Variants in PKHD1 observed in about 807,000 individuals in gnomAD.
The protein encoded by PKHD1 is PKHD1 ciliary IPT domain containing fibrocystin/polyductin.
A neutral mutation model predicts 412.0 loss-of-function variants in PKHD1; 291 were observed. The observed-to-expected ratio is 0.71, with a 90% confidence interval of 0.64 to 0.78. PKHD1 has a LOEUF of 0.78. Among genes scored for constraint, PKHD1 ranks in the 30% least tolerant of loss-of-function variants. The probability of loss-of-function intolerance (pLI) is 0.00; values close to 1 mark genes in which losing one functional copy is unlikely to be tolerated. For missense variants in PKHD1, 4,825 were observed against 4,950.7 expected (o/e 0.97, Z 0.76); for synonymous variants, 1,777 against 1,821.5 (o/e 0.98, Z 0.62).
intron 60 of PKHD1, among the ~76,000 whole-genome samples, chr6:51,671,074 C>T (rs1247846807): frequency 1.0e-3 from 158 of 151,616 alleles, no homozygotes; most frequent in African/African-American, 3.8e-3. Context: ...CTCTGTAGTT[C>T]CTGAATCTGA....
intron 35 of PKHD1, among the ~76,000 whole-genome samples, chr6:51,981,608 T>C (rs1208160483): frequency 2.8e-5 from 3 of 108,826 alleles, no homozygotes; most frequent in Non-Finnish European, 7.2e-5. Context: ...CGGAGTCTCG[T>C]TCACTCAGTG....
At chr6:51,676,860 T>C (rs896107085) in intron 60 of PKHD1, among the ~76,000 whole-genome samples, 1 of 152,186 alleles carries the variant, frequency 6.6e-6, no homozygotes, top group African/African-American at 2.4e-5. Flanking sequence ...TGGGCAATTC[T>C]AAGCAAAAAA....
chr6:51,903,083 T>C (rs1347710329), intron 43 of PKHD1, among the ~76,000 whole-genome samples: 1 of 152,190 alleles, frequency 6.6e-6, no homozygotes, highest in African/African-American at 2.4e-5. Context: ...TTAGTTTGCA[T>C]TACCTAGATG....
At chr6:51,836,360 A>T in intron 51 of PKHD1, 44 bp downstream of exon 51, 3 of 1,276,020 alleles carry the variant, frequency 2.4e-6, no homozygotes, top group Non-Finnish European at 3.4e-6. Flanking sequence ...ACTGGAGGAC[A>T]TTCTGCCATA....
intron 36 of PKHD1, among the ~76,000 whole-genome samples, chr6:51,940,285 G>A (rs1788277940): frequency 6.6e-6 from 1 of 151,742 alleles, no homozygotes; most frequent in Non-Finnish European, 1.5e-5. Flanking sequence ...CCTTCAAGGT[G>A]TACTATAATA....
chr6:52,073,670 C>G (rs1215603562), intron 6 of PKHD1, 129 bp from the exon 7 acceptor site: 1 of 683,518 alleles, frequency 1.5e-6, no homozygotes, highest in Admixed American at 2.2e-5. Context: ...AAAATTAATA[C>G]TTTTAATAAA....
intron 66 of PKHD1, among the ~76,000 whole-genome samples, chr6:51,621,040 CT>C (rs1176134957): frequency 6.6e-6 from 1 of 152,052 alleles, no homozygotes; most frequent in Non-Finnish European, 1.5e-5. Context: ...CCTAAGGAAC[CT>C]GCAGCTCCTT....
chr6:51,918,339 C>G (rs1398603595), intron 37 of PKHD1, among the ~76,000 whole-genome samples: 1 of 152,102 alleles, frequency 6.6e-6, no homozygotes, highest in Non-Finnish European at 1.5e-5. Flanking sequence ...CTAATGCTCT[C>G]TTTCCCCTTG....
At position 51,843,228 on chromosome 6, in the gene PKHD1, G is replaced by A. The variant is rs552758212; in HGVS notation, c.8107+4547C>T. 2.6e-5 allele frequency among the ~76,000 whole-genome samples: 4 copies of A among 152,304 alleles called. No individual in the cohort carries two copies. The South Asian group carries it at 6.2e-4, about 24-fold the overall frequency. ...CAGTGTGCGCTTGTTCTTAGAGGCA[G>A]ATAAAGGCTGAGCGTGAAATTCTTA... is the stretch of plus-strand genomic sequence containing the variant. On this transcript the variant is annotated intron_variant, in intron 50 of 66. Transcript: ENST00000371117.
At chr6:51,858,931 A>G (rs1309687516) in intron 48 of PKHD1, among the ~76,000 whole-genome samples, 1 of 152,156 alleles carries the variant, frequency 6.6e-6, no homozygotes, top group Non-Finnish European at 1.5e-5. Context: ...GCTTGATACA[A>G]TCAACCCCAT....
chr6:51,675,071 A>G (rs1267243767), intron 60 of PKHD1, among the ~76,000 whole-genome samples: 1 of 152,134 alleles, frequency 6.6e-6, no homozygotes, highest in African/African-American at 2.4e-5. Context: ...GTCACCTTTA[A>G]TCAATCCTCC....
chr6:52,086,545 G>C (rs1040201641), intron 1 of PKHD1, among the ~76,000 whole-genome samples: 16 of 151,752 alleles, frequency 1.1e-4, no homozygotes, highest in African/African-American at 3.4e-4. Context: ...CTCACCTTAC[G>C]GGCATGTTCT....
rs763657923 is a variant in PKHD1 at position 51,746,906 on chromosome 6, A to G, written c.9830-17T>C. The G allele has an allele frequency of 1.4e-6, 2 of 1,419,026 alleles. No individual in the cohort carries two copies. Among genetic ancestry groups the G allele is most frequent in the East Asian group, 2.4e-5 (1 of 41,100 alleles). 87.9% of individuals were successfully genotyped at this position (1,419,026 alleles called of 1,614,324 possible). A position where few individuals can be genotyped will look rare whatever the true frequency, so the allele number is the denominator to read the frequency against. On this transcript the variant is annotated splice_polypyrimidine_tract_variant and intron_variant, in intron 58 of 66. Coordinates refer to ENST00000371117, the MANE Select transcript of PKHD1 (RefSeq NM_138694.4). ...AGGTAACATCTGAAATTTTAAAAAT[A>G]TGTATCATAATATTATATCATATAA... is the stretch of plus-strand genomic sequence containing the variant.
chr6:51,818,931 A>T (rs1364124965), intron 52 of PKHD1, among the ~76,000 whole-genome samples: 2 of 152,188 alleles, frequency 1.3e-5, no homozygotes, highest in Non-Finnish European at 2.9e-5. Flanking sequence ...TATGTAAGAG[A>T]GATGTAAACT....
intron 60 of PKHD1, among the ~76,000 whole-genome samples, chr6:51,742,402 G>A (rs141121745): frequency 3.3e-5 from 5 of 152,210 alleles, no homozygotes; most frequent in African/African-American, 1.2e-4. Context: ...GAAATTTTAT[G>A]GTAATTAAAA....
chr6:51,792,684 C>G (rs1215195216), intron 52 of PKHD1, among the ~76,000 whole-genome samples: 1 of 152,188 alleles, frequency 6.6e-6, no homozygotes, highest in Non-Finnish European at 1.5e-5. Context: ...ATTCTGTATG[C>G]CTTTTCCCTC....
intron 54 of PKHD1, among the ~76,000 whole-genome samples, chr6:51,774,738 T>C (rs1790716900): frequency 6.6e-6 from 1 of 151,856 alleles, no homozygotes; most frequent in Non-Finnish European, 1.5e-5. Flanking sequence ...TGCTAATGAA[T>C]ATTAAATTTA....
At chr6:51,920,570 T>C (rs1784535761) in intron 37 of PKHD1, among the ~76,000 whole-genome samples, 2 of 152,228 alleles carry the variant, frequency 1.3e-5, no homozygotes. Flanking sequence ...TTATCAGGGA[T>C]ATTGGTCTAA....
intron 13 of PKHD1, among the ~76,000 whole-genome samples, chr6:52,064,066 C>G (rs1809113602): frequency 6.6e-6 from 1 of 152,214 alleles, no homozygotes; most frequent in South Asian, 2.1e-4. Context: ...GATCTGGGAG[C>G]TGGAGAATTC....
Sources: gnomAD v4.1 joint callset for allele counts (sites outside exome capture counted in the v4.1 genomes callset) on GRCh38, gnomAD v4.1.1 for gene constraint, MANE v1.5 for transcripts, NCBI Gene and HGNC (gene_info 2026-07-23, HGNC 2026-07-21) for gene names.